NRDC: variants seen among roughly 807,000 people sequenced by gnomAD.
NRDC encodes the protein nardilysin convertase.
In NRDC, 54 loss-of-function variants were observed where a neutral mutation model predicts 147.1. That is an observed-to-expected ratio of 0.37 (90% CI 0.29 to 0.46). NRDC has a LOEUF of 0.46. NRDC is among the 20% of genes least tolerant of loss of function. NRDC has a pLI of 1.00. For missense variants in NRDC, 1,082 were observed against 1,370.6 expected (o/e 0.79, Z 3.33); for synonymous variants, 440 against 482.1 (o/e 0.91, Z 1.14).
intron 29 of NRDC, 53 bp downstream of exon 29, chr1:51,790,480 A>C: frequency 8.9e-7 from 1 of 1,119,376 alleles, no homozygotes; most frequent in Non-Finnish European, 1.4e-6. Context: ...TGATGCCTGT[A>C]GAATCAGGAA....
At chr1:51,800,831 T>C (rs903829480) in intron 20 of NRDC, 148 bp from the exon 21 acceptor site, 39 of 729,790 alleles carry the variant, frequency 5.3e-5, no homozygotes, top group Non-Finnish European at 8.1e-5. Context: ...CAACTCAATT[T>C]GTTCGTTTGT....
At position 51,798,311 on chromosome 1, in the gene NRDC, C is replaced by T. The variant is rs374847725; in HGVS notation, c.2542G>A (p.Val848Ile). ...AAGAGCTGGGATTTGAATTCTTTGA[C>T]GAAGCTCAGCAGAGACTCAAGGGAA... is the stretch of plus-strand genomic sequence containing the variant. Reference protein sequence around the residue: ...GLSLESLLSFVKEFKSQLFVE... With the variant: ...GLSLESLLSFIKEFKSQLFVE... The change falls in exon 22 of 31, where the codon GTC becomes ATC. Residue 848 changes from valine to isoleucine, a missense_variant. Val to Ile is a conservative substitution (Grantham distance 29). Around this residue, in one of 3 missense-constraint regions of NRDC, gnomAD observed 635 missense variants for 923.8 expected, o/e 0.69. Coordinates refer to ENST00000352171, the MANE Select transcript of NRDC (RefSeq NM_001101662.2). The T allele has an allele frequency of 6.6e-5, 106 of 1,613,952 alleles. No individual in the cohort carries two copies. The highest frequency in any genetic ancestry group is 8.3e-5 in the Non-Finnish European group (98 of 1,180,014).
intron 1 of NRDC, among the ~76,000 whole-genome samples, chr1:51,850,182 A>AAAT (rs1681877699): frequency 2.0e-5 from 3 of 152,034 alleles, no homozygotes; most frequent in African/African-American, 7.2e-5. Context: ...ATCTCAAAAA[A>AAAT]AAATAATAAT....
At chr1:51,796,107 C>T (rs1678892683) in intron 22 of NRDC, among the ~76,000 whole-genome samples, 1 of 152,168 alleles carries the variant, frequency 6.6e-6, no homozygotes, top group African/African-American at 2.4e-5. Context: ...TCTCAAACTA[C>T]TGAGCTCAAG....
At chr1:51,826,267 C>T (rs914211199) in intron 5 of NRDC, among the ~76,000 whole-genome samples, 3 of 152,188 alleles carry the variant, frequency 2.0e-5, no homozygotes, top group African/African-American at 7.2e-5. Context: ...TGATTCCATT[C>T]CTCCAAAACT....
intron 1 of NRDC, among the ~76,000 whole-genome samples, chr1:51,848,686 TA>T (rs1681782168): frequency 6.6e-6 from 1 of 152,172 alleles, no homozygotes; most frequent in South Asian, 2.1e-4. Context: ...AAGATTTTTT[TA>T]AAATCCCTTT....
chr1:51,796,151 G>T (rs1678894418), intron 22 of NRDC, among the ~76,000 whole-genome samples: 1 of 152,090 alleles, frequency 6.6e-6, no homozygotes, highest in African/African-American at 2.4e-5. Context: ...AAAGTACTGG[G>T]ATGACAGGCA....
intron 2 of NRDC, 81 bp downstream of exon 2, chr1:51,840,145 T>C: frequency 9.0e-7 from 1 of 1,113,072 alleles, no homozygotes; most frequent in Non-Finnish European, 1.3e-6. Flanking sequence ...ATACTTCCTT[T>C]TTGCCATTAA....
chr1:51,832,615 A>G (rs1451612408), intron 4 of NRDC, among the ~76,000 whole-genome samples: 1 of 152,186 alleles, frequency 6.6e-6, no homozygotes, highest in Non-Finnish European at 1.5e-5. Context: ...AGAATTAGGT[A>G]TAACTTTTTT....
intron 7 of NRDC, among the ~76,000 whole-genome samples, chr1:51,822,709 C>A (rs1457556163): frequency 6.6e-6 from 1 of 152,172 alleles, no homozygotes; most frequent in Non-Finnish European, 1.5e-5. Context: ...TGTGAATTAA[C>A]TTGGGGAATA....
chr1:51,790,745 G>T, intron 28 of NRDC, 96 bp from the exon 29 acceptor site: 4 of 1,006,556 alleles, frequency 4.0e-6, no homozygotes, highest in Non-Finnish European at 6.3e-6. Context: ...TGATGGACAT[G>T]CCAGTATAAG....
At chr1:51,824,343 C>T (rs1222233638) in intron 6 of NRDC, among the ~76,000 whole-genome samples, 1 of 152,054 alleles carries the variant, frequency 6.6e-6, no homozygotes, top group Non-Finnish European at 1.5e-5. Flanking sequence ...CCAGGCTGGT[C>T]TCAAACTCCT....
At chr1:51,820,003 T>G in intron 8 of NRDC, 130 bp from the exon 9 acceptor site, 2 of 677,996 alleles carry the variant, frequency 2.9e-6, no homozygotes, top group Non-Finnish European at 5.0e-6. Flanking sequence ...ATTCCAGGCA[T>G]GAACAAATAG....
chr1:51,844,348 GTCTGA>G (rs1271157712), intron 1 of NRDC, among the ~76,000 whole-genome samples: 1 of 152,058 alleles, frequency 6.6e-6, no homozygotes, highest in Admixed American at 6.6e-5. Flanking sequence ...TCTAAAGTAG[GTCTGA>G]ATCCAATCTG....
In NRDC at chr1:51,814,062, C is replaced by G. The variant is rs762280465; in HGVS notation, c.1647G>C (p.Glu549Asp). 3.7e-6 allele frequency: 6 copies of G among 1,604,030 alleles called. No homozygotes were observed. Among genetic ancestry groups the G allele is most frequent in the Non-Finnish European group, 2.6e-6 (3 of 1,171,620 alleles). The stretch of plus-strand genomic sequence containing the variant: ...GTTCTTGGTAATGAAATTCATTATC[C>G]TCAATTTTCCGAATCTCTTCAAAAA... ...KRIFEEIRKI[E>D]DNEFHYQEQT... Residue 549 changes from glutamate (E) to aspartate (D), a missense_variant, in exon 14 of 31, where the codon GAG becomes GAC. By Grantham distance (45) the Glu-to-Asp change is conservative. Coordinates refer to ENST00000352171, the MANE Select transcript of NRDC (RefSeq NM_001101662.2).
chr1:51,857,234 GTCAA>G (rs1682298673), intron 1 of NRDC, among the ~76,000 whole-genome samples: 1 of 152,194 alleles, frequency 6.6e-6, no homozygotes, highest in Non-Finnish European at 1.5e-5. Context: ...CCGAGTTTCA[GTCAA>G]TCAAAGGCAG....
intron 5 of NRDC, among the ~76,000 whole-genome samples, chr1:51,826,983 T>C (rs1680473962): frequency 6.6e-6 from 1 of 152,236 alleles, no homozygotes; most frequent in African/African-American, 2.4e-5. Context: ...TTAGTTGTTT[T>C]GTTTTTTCAT....
chr1:51,807,322 T>A (rs1046114296), intron 17 of NRDC, among the ~76,000 whole-genome samples: 2 of 152,248 alleles, frequency 1.3e-5, no homozygotes, highest in Admixed American at 1.3e-4. Context: ...GTCAAACTTG[T>A]CCTTTTGGTT....
At chr1:51,851,515 G>C (rs939718703) in intron 1 of NRDC, among the ~76,000 whole-genome samples, 1 of 149,056 alleles carries the variant, frequency 6.7e-6, no homozygotes, top group South Asian at 2.2e-4. Context: ...GTATTCTGCA[G>C]AATTGGGCCA....
Sources: allele counts gnomAD v4.1 joint callset (sites outside exome capture counted in the v4.1 genomes callset), GRCh38; gene constraint gnomAD v4.1.1; regional missense constraint gnomAD v4.1.1; transcripts MANE v1.5; gene names NCBI Gene and HGNC (gene_info 2026-07-23, HGNC 2026-07-21).